RBMS3: variants seen among roughly 807,000 people sequenced by gnomAD.
The protein encoded by RBMS3 is RNA-binding motif, single-stranded-interacting protein 3.
Under a neutral mutation model 66.8 loss-of-function variants are expected in RBMS3, and 27 were observed. That is an observed-to-expected ratio of 0.40 (90% CI 0.30 to 0.56). RBMS3 has a LOEUF of 0.56. Among genes scored for constraint, RBMS3 ranks in the 20% least tolerant of loss-of-function variants. The probability of loss-of-function intolerance (pLI) is 0.40; values close to 1 mark genes in which losing one functional copy is unlikely to be tolerated. For missense variants in RBMS3, 513 were observed against 549.5 expected (o/e 0.93, Z 0.66); for synonymous variants, 188 against 183.0 (o/e 1.03, Z -0.22).
chr3:29,482,799 C>G (rs2125822225), intron 2 of RBMS3, among the ~76,000 whole-genome samples: 1 of 148,034 alleles, frequency 6.8e-6, no homozygotes, highest in Admixed American at 6.9e-5. Flanking sequence ...TCTCTGCCTC[C>G]CAGGTTCAAG....
At chr3:29,518,125 G>A (rs145913474) in intron 3 of RBMS3, among the ~76,000 whole-genome samples, 1 of 152,114 alleles carries the variant, frequency 6.6e-6, no homozygotes, top group South Asian at 2.1e-4. Context: ...ATGCACATGG[G>A]TATATACTGA....
intron 5 of RBMS3, among the ~76,000 whole-genome samples, chr3:29,747,411 TAGATAGA>T (rs1460308334): frequency 7.1e-6 from 1 of 140,976 alleles, no homozygotes; most frequent in African/African-American, 3.0e-5. Context: ...GATAGATAGA[TAGATAGA>T]TAGATAGATA....
chr3:29,479,400 A>G (rs1258447275), intron 2 of RBMS3, among the ~76,000 whole-genome samples: 2 of 151,824 alleles, frequency 1.3e-5, no homozygotes, highest in Non-Finnish European at 2.9e-5. Flanking sequence ...CATAAAAATT[A>G]CTGAGAAATT....
In RBMS3 at chr3:29,689,503, T is replaced by C. The variant is rs2051881405; in HGVS notation, c.400-50217T>C. 2.0e-5 allele frequency among the ~76,000 whole-genome samples: 3 copies of C among 152,292 alleles called. No individual in the cohort carries two copies. In the South Asian group the frequency reaches 6.2e-4, roughly 32 times the overall value. On this transcript the variant is annotated intron_variant, in intron 4 of 14. Transcript: ENST00000383767. ...TCTCAGGAGTTTAATTTTACTTGTA[T>C]GGCAAGAGTTGATAATTTGTGAGTT...
At chr3:29,787,926 C>T (rs1040255145) in intron 6 of RBMS3, among the ~76,000 whole-genome samples, 3 of 152,100 alleles carry the variant, frequency 2.0e-5, no homozygotes, top group African/African-American at 7.2e-5. Flanking sequence ...ATGGATTCTT[C>T]TAATGTACAT....
chr3:29,958,068 G>T (rs536348334), intron 12 of RBMS3, among the ~76,000 whole-genome samples: 1 of 152,242 alleles, frequency 6.6e-6, no homozygotes, highest in Admixed American at 6.5e-5. Context: ...CTGAAGAAAT[G>T]CAGCCAGCCT....
intron 4 of RBMS3, among the ~76,000 whole-genome samples, chr3:29,640,589 T>C (rs1358927710): frequency 6.6e-6 from 1 of 151,906 alleles, no homozygotes; most frequent in Non-Finnish European, 1.5e-5. Context: ...CACAAAATAA[T>C]TTACACTGAA....
At chr3:29,741,812 C>T (rs2054661957) in intron 5 of RBMS3, among the ~76,000 whole-genome samples, 1 of 152,148 alleles carries the variant, frequency 6.6e-6, no homozygotes, top group Non-Finnish European at 1.5e-5. Flanking sequence ...CACCTTTCTT[C>T]TTGGCTTGTA....
chr3:29,976,119 T>G (rs148296794), intron 12 of RBMS3, among the ~76,000 whole-genome samples: 1,728 of 152,050 alleles, frequency 0.011, 16 homozygotes, highest in African/African-American at 0.02. Flanking sequence ...TAATTTTCTC[T>G]TGTTGACTTA....
At chr3:29,923,712 G>A (rs142444670) in intron 10 of RBMS3, among the ~76,000 whole-genome samples, 9 of 151,984 alleles carry the variant, frequency 5.9e-5, no homozygotes, top group East Asian at 5.8e-4. Flanking sequence ...GTCAGAAAAC[G>A]TGTTTTTGCA....
chr3:29,510,616 A>G (rs1437947788), intron 3 of RBMS3, among the ~76,000 whole-genome samples: 1 of 152,146 alleles, frequency 6.6e-6, no homozygotes, highest in Non-Finnish European at 1.5e-5. Context: ...GAGCATCTCA[A>G]ATCCAAAAAC....
chr3:29,487,847 C>T (rs1048213348), intron 2 of RBMS3, among the ~76,000 whole-genome samples: 1 of 151,994 alleles, frequency 6.6e-6, no homozygotes, highest in African/African-American at 2.4e-5. Flanking sequence ...CTTACTTAGC[C>T]AACCAAATAT....
chr3:29,500,419 A>G (rs2043923511), intron 3 of RBMS3, among the ~76,000 whole-genome samples: 2 of 148,232 alleles, frequency 1.3e-5, no homozygotes, highest in South Asian at 4.3e-4. Context: ...TGAAATATAA[A>G]TATATATATA....
At chr3:29,564,232 T>C (rs911559842) in intron 3 of RBMS3, among the ~76,000 whole-genome samples, 4 of 152,106 alleles carry the variant, frequency 2.6e-5, no homozygotes, top group Non-Finnish European at 5.9e-5. Context: ...ATCCCAGCAC[T>C]TTGGGAGGCC....
intron 10 of RBMS3, among the ~76,000 whole-genome samples, chr3:29,907,458 A>T (rs2060408628): frequency 6.6e-6 from 1 of 151,858 alleles, no homozygotes; most frequent in East Asian, 1.9e-4. Flanking sequence ...TAGATGTTGA[A>T]CTTAATCAAA....
intron 6 of RBMS3, among the ~76,000 whole-genome samples, chr3:29,795,498 A>G (rs1423690239): frequency 6.6e-6 from 1 of 152,218 alleles, no homozygotes; most frequent in Admixed American, 6.5e-5. Flanking sequence ...ATTTCCCCAC[A>G]CCAGAGCATC....
At chr3:29,624,693 T>G (rs1398085115) in intron 4 of RBMS3, among the ~76,000 whole-genome samples, 1 of 152,174 alleles carries the variant, frequency 6.6e-6, no homozygotes, top group African/African-American at 2.4e-5. Flanking sequence ...TTTTAAAATT[T>G]TAAAACAATA....
chr3:29,431,735 A>AT (rs1237297512), intron 1 of RBMS3, among the ~76,000 whole-genome samples: 2 of 151,188 alleles, frequency 1.3e-5, no homozygotes, highest in African/African-American at 4.9e-5. Flanking sequence ...TTTACTTTTT[A>AT]TTTTTTCTGA....
At chr3:29,913,402 G>T (rs973324200) in intron 10 of RBMS3, among the ~76,000 whole-genome samples, 8 of 152,048 alleles carry the variant, frequency 5.3e-5, no homozygotes, top group Non-Finnish European at 1.2e-4. Flanking sequence ...AGTTCAGTTG[G>T]CGTCACACTG....
Sources: gnomAD v4.1 joint callset for allele counts (sites outside exome capture counted in the v4.1 genomes callset) on GRCh38, gnomAD v4.1.1 for gene constraint, MANE v1.5 for transcripts, NCBI Gene and HGNC (gene_info 2026-07-23, HGNC 2026-07-21) for gene names.